Variants in TLN2 observed in about 807,000 individuals in gnomAD.
TLN2 encodes the protein talin 2, also known as talin-2.
Under a neutral mutation model 294.7 loss-of-function variants are expected in TLN2, and 118 were observed. The observed-to-expected ratio is 0.40, with a 90% confidence interval of 0.34 to 0.47. The LOEUF (loss-of-function observed/expected upper bound fraction) is 0.47, where lower values mean the gene tolerates loss of function less well. Among genes scored for constraint, TLN2 ranks in the 20% least tolerant of loss-of-function variants. TLN2 has a pLI of 0.84. For missense variants in TLN2, 3,083 were observed against 3,282.2 expected, an observed-to-expected ratio of 0.94 and a Z score of 1.48; for synonymous variants, 1,431 against 1,304.5, an observed-to-expected ratio of 1.10 and a Z score of -2.09.
At position 62,840,463 on chromosome 15, in the gene TLN2, CTTG is replaced by C; in HGVS notation, c.7501-15_7501-13del. The C allele has an allele frequency of 6.2e-7, 1 of 1,613,716 alleles. No homozygotes were observed. Among genetic ancestry groups the C allele is most frequent in the Non-Finnish European group, 8.5e-7 (1 of 1,179,812 alleles). ...TCTACAAAGTGTTAGGTCCATCCAGCTTGTTGCTTTCTTTCTAGATCATCGCCG... is the reference window on the plus strand; with the variant it reads ...TCTACAAAGTGTTAGGTCCATCCAGCTTGCTTTCTTTCTAGATCATCGCCG... On this transcript the variant is annotated splice_polypyrimidine_tract_variant and intron_variant, in intron 58 of 58. Coordinates refer to ENST00000636159, the MANE Select transcript of TLN2 (RefSeq NM_015059.3).
chr15:62,653,947 C>T (rs1053965393), intron 7 of TLN2, among the ~76,000 whole-genome samples: 2 of 151,902 alleles, frequency 1.3e-5, no homozygotes, highest in Admixed American at 6.6e-5. Flanking sequence ...CTTTTTTTGA[C>T]TAATACTAAT....
chr15:62,743,353 T>G (rs1381961071), intron 32 of TLN2, among the ~76,000 whole-genome samples: 29 of 151,852 alleles, frequency 1.9e-4, no homozygotes, highest in Admixed American at 1.9e-3. Flanking sequence ...CTCAAACCCC[T>G]TATTATTTGT....
chr15:62,411,643 G>A (rs1233796604), intron 1 of TLN2, among the ~76,000 whole-genome samples: 1 of 152,170 alleles, frequency 6.6e-6, no homozygotes, highest in Non-Finnish European at 1.5e-5. Context: ...TCAGGGAGCT[G>A]AATTATGCTA....
At chr15:62,782,917 A>T (rs1271347812) in intron 44 of TLN2, among the ~76,000 whole-genome samples, 2 of 152,218 alleles carry the variant, frequency 1.3e-5, no homozygotes, top group African/African-American at 4.8e-5. Context: ...GAGCCCCTTG[A>T]TGAGGGACAG....
intron 22 of TLN2, among the ~76,000 whole-genome samples, chr15:62,714,389 A>G (rs922861557): frequency 6.6e-6 from 1 of 151,714 alleles, no homozygotes; most frequent in Non-Finnish European, 1.5e-5. Context: ...TTTTTAGTAG[A>G]GACAGGGTTT....
intron 1 of TLN2, among the ~76,000 whole-genome samples, chr15:62,391,683 C>T (rs904782797): frequency 2.0e-5 from 3 of 152,240 alleles, no homozygotes; most frequent in African/African-American, 7.2e-5. Flanking sequence ...AAGGCGCGCA[C>T]GACTGCTGTC....
At chr15:62,464,335 A>G (rs780109471) in intron 1 of TLN2, among the ~76,000 whole-genome samples, 1 of 152,180 alleles carries the variant, frequency 6.6e-6, no homozygotes, top group Non-Finnish European at 1.5e-5. Context: ...AGAAAACCAA[A>G]CACTACATGT....
intron 1 of TLN2, among the ~76,000 whole-genome samples, chr15:62,502,228 T>C (rs908491825): frequency 6.6e-6 from 1 of 152,362 alleles, no homozygotes; most frequent in South Asian, 2.1e-4. Context: ...AAACAAAATA[T>C]GTATTGTTTT....
intron 32 of TLN2, among the ~76,000 whole-genome samples, chr15:62,742,712 G>A (rs9806399): frequency 0.96 from 146,925 of 152,332 alleles, 71,084 homozygotes; most frequent in East Asian, 1. Context: ...TTCATAGCCA[G>A]GTAAGCACTT....
In TLN2 at chr15:62,797,206, C is replaced by T. The variant is rs1020842114; in HGVS notation, c.6051-13C>T. ...GTCTCTCCCCCTCTCCCCTGCCCTC[C>T]TGGCTCTCTCAGGGAGAACATTCTC... On this transcript the variant is annotated splice_polypyrimidine_tract_variant and intron_variant, in intron 47 of 58. Transcript: ENST00000636159. 2.2e-5 allele frequency: 36 copies of T among 1,613,940 alleles called. No individual in the cohort carries two copies. The highest frequency in any genetic ancestry group is 2.8e-5 in the Non-Finnish European group (33 of 1,180,024).
chr15:62,689,846 C>CTTCTT (rs2057628986), intron 12 of TLN2, among the ~76,000 whole-genome samples: 2 of 15,398 alleles, frequency 1.3e-4, no homozygotes, highest in African/African-American at 1.4e-4. Context: ...GTATGGGCTT[C>CTTCTT]TTTTTTTTTT....
chr15:62,617,962 CT>C (rs768055599), intron 2 of TLN2, among the ~76,000 whole-genome samples: 7,741 of 135,998 alleles, frequency 0.057, 396 homozygotes, highest in African/African-American at 0.17. Flanking sequence ...TCAGGCAATT[CT>C]TTTTTTTTTT....
At chr15:62,542,253 A>G (rs12442296) in intron 1 of TLN2, among the ~76,000 whole-genome samples, 54,337 of 151,882 alleles carry the variant, frequency 0.36, 10,687 homozygotes, top group East Asian at 0.55. Flanking sequence ...GTGCAGTGGC[A>G]GGATCTCGGC....
intron 1 of TLN2, among the ~76,000 whole-genome samples, chr15:62,566,067 G>C (rs2043367354): frequency 6.6e-6 from 1 of 152,048 alleles, no homozygotes; most frequent in Admixed American, 6.6e-5. Flanking sequence ...TGTTTATCTG[G>C]TATGGCTGCT....
intron 41 of TLN2, among the ~76,000 whole-genome samples, chr15:62,769,988 G>A (rs1303459896): frequency 1.3e-5 from 2 of 152,178 alleles, no homozygotes; most frequent in African/African-American, 4.8e-5. Flanking sequence ...CAGGTAGAGG[G>A]TCATCCAAAC....
In TLN2 at chr15:62,792,845, G is replaced by A. The variant is rs139966397; in HGVS notation, c.5883+58G>A. The A allele has an allele frequency of 4.1e-5, 65 of 1,593,782 alleles. No individual in the cohort carries two copies. In the East Asian group the frequency reaches 5.7e-4, roughly 14 times the overall value. On this transcript the variant is annotated intron_variant, in intron 46 of 58. Coordinates refer to ENST00000636159, the MANE Select transcript of TLN2 (RefSeq NM_015059.3). ...AACCTGCGCTGGCTCTCAGTGATCC[G>A]CTGTAATCAAGGACAAAAGCAGGAA...
chr15:62,492,771 C>T (rs1167161434), intron 1 of TLN2, among the ~76,000 whole-genome samples: 1 of 152,008 alleles, frequency 6.6e-6, no homozygotes, highest in Middle Eastern at 3.4e-3. Context: ...CAAATAATTG[C>T]CTTTTGTTAT....
chr15:62,824,282 C>G (rs1007573834), intron 54 of TLN2, among the ~76,000 whole-genome samples: 3 of 152,070 alleles, frequency 2.0e-5, no homozygotes, highest in African/African-American at 7.2e-5. Context: ...AGTGATGAAT[C>G]CTTAAGGAAT....
chr15:62,451,428 G>T (rs1176514830), intron 1 of TLN2, among the ~76,000 whole-genome samples: 1 of 152,120 alleles, frequency 6.6e-6, no homozygotes, highest in Admixed American at 6.5e-5. Context: ...AGGCCGAGGC[G>T]GGTGAATCAC....
Sources: gnomAD v4.1 joint callset for allele counts (sites outside exome capture counted in the v4.1 genomes callset) on GRCh38, gnomAD v4.1.1 for gene constraint, MANE v1.5 for transcripts, NCBI Gene and HGNC (gene_info 2026-07-23, HGNC 2026-07-21) for gene names.